Variants in MAN2B2 observed in about 807,000 individuals in gnomAD.
MAN2B2 encodes mannosidase alpha class 2B member 2.
A neutral mutation model predicts 117.1 loss-of-function variants in MAN2B2; 106 were observed. The ratio of observed to expected loss-of-function variants is 0.90; its 90% CI spans 0.77 to 1.06. The LOEUF (loss-of-function observed/expected upper bound fraction) is 1.06, where lower values mean the gene tolerates loss of function less well. MAN2B2 is among the 50% of genes least tolerant of loss of function. MAN2B2 has a pLI of 0.00. For synonymous variants in MAN2B2, 544 were observed against 595.1 expected (o/e 0.91, Z 1.25); for missense variants, 1,326 against 1,381.4 (o/e 0.96, Z 0.64).
intron 12 of MAN2B2, 89 bp from the exon 13 acceptor site, chr4:6,609,709 C>A: frequency 7.7e-7 from 1 of 1,305,616 alleles, no homozygotes; most frequent in Non-Finnish European, 1.1e-6. Context: ...CTGCCCTGCC[C>A]ACCCTGCCCA....
intron 9 of MAN2B2, among the ~76,000 whole-genome samples, chr4:6,599,916 T>A (rs906390118): frequency 6.6e-6 from 1 of 152,342 alleles, no homozygotes; most frequent in South Asian, 2.1e-4. Flanking sequence ...CTGGCTTCAC[T>A]GCCAGGTGGG....
chr4:6,587,988 T>TCAC (rs145739785), intron 4 of MAN2B2, among the ~76,000 whole-genome samples: 1,657 of 152,000 alleles, frequency 0.011, 33 homozygotes, highest in African/African-American at 0.037. Flanking sequence ...CGAACTCCTG[T>TCAC]CCTCAAGCGA....
At chr4:6,590,178 C>T (rs1037873622) in intron 5 of MAN2B2, among the ~76,000 whole-genome samples, 5 of 152,054 alleles carry the variant, frequency 3.3e-5, no homozygotes, top group Non-Finnish European at 7.4e-5. Flanking sequence ...TTGAGACCAG[C>T]CTGGCCAACA....
chr4:6,615,537 C>T (rs556461845), intron 16 of MAN2B2, among the ~76,000 whole-genome samples: 1 of 152,258 alleles, frequency 6.6e-6, no homozygotes. Flanking sequence ...TGGCTCACAT[C>T]TGTAATGCCA....
At position 6,609,822 on chromosome 4, in the gene MAN2B2, G is replaced by A. The variant is rs770149826; in HGVS notation, c.2031G>A (p.Thr677=). ...FYRNMTAQNY[T]YAIRSRLTHV... ...GGAACATGACAGCACAGAATTACACGTATGCAATCCGCTCCCGGCTCACCC... is the reference window on the plus strand; with the variant it reads ...GGAACATGACAGCACAGAATTACACATATGCAATCCGCTCCCGGCTCACCC... The change falls in exon 13 of 19, where the codon ACG becomes ACA. Residue 677 remains threonine, a synonymous_variant. Transcript: ENST00000285599. The A allele has an allele frequency of 6.3e-5, 102 of 1,613,696 alleles. No individual in the cohort carries two copies. The Admixed American group carries it at 1.3e-3, about 21-fold the overall frequency.
intron 1 of MAN2B2, 63 bp from the exon 2 acceptor site, chr4:6,576,515 A>AG: frequency 6.3e-7 from 1 of 1,581,536 alleles, no homozygotes; most frequent in Non-Finnish European, 8.6e-7. Context: ...GGCGAATGGC[A>AG]GGGGCCCCAG....
At position 6,579,651 on chromosome 4, in the gene MAN2B2, C is replaced by A. The variant is rs571328545; in HGVS notation, c.391+1153C>A. On this transcript the variant is annotated intron_variant, in intron 3 of 18. Transcript: ENST00000285599. ...TTACTACCACTACCATCACCACCAC[C>A]CCCTAAACACTATCACCATGATCAC... Among the ~76,000 whole-genome samples, 61 of 152,032 alleles carry A rather than the reference C, an allele frequency of 4.0e-4. No individual in the cohort carries two copies. In the East Asian group the frequency reaches 0.011, roughly 29 times the overall value.
chr4:6,593,111 G>A (rs1223674995), intron 5 of MAN2B2, 62 bp from the exon 6 acceptor site: 43 of 1,543,702 alleles, frequency 2.8e-5, no homozygotes, highest in Non-Finnish European at 3.7e-5. Context: ...TGGCACTTGG[G>A]TGTGAGCCCT....
intron 9 of MAN2B2, among the ~76,000 whole-genome samples, chr4:6,599,380 T>C (rs1440889245): frequency 2.6e-5 from 4 of 152,110 alleles, no homozygotes; most frequent in Non-Finnish European, 5.9e-5. Flanking sequence ...TGCTGCTATC[T>C]GGCCAGGCAT....
At chr4:6,587,263 A>T in intron 4 of MAN2B2, 95 bp downstream of exon 4, 1 of 1,448,704 alleles carries the variant, frequency 6.9e-7, no homozygotes, top group East Asian at 2.4e-5. Context: ...TCTATGCCGA[A>T]GTGTTCGGAA....
At chr4:6,611,663 G>A (rs1364263176) in intron 15 of MAN2B2, among the ~76,000 whole-genome samples, 1 of 152,208 alleles carries the variant, frequency 6.6e-6, no homozygotes, top group East Asian at 1.9e-4. Flanking sequence ...GCGCATGCCT[G>A]TAATCCTGTA....
At chr4:6,579,893 G>T (rs1325662033) in intron 3 of MAN2B2, among the ~76,000 whole-genome samples, 1 of 152,254 alleles carries the variant, frequency 6.6e-6, no homozygotes, top group Non-Finnish European at 1.5e-5. Flanking sequence ...GTGAGGCATG[G>T]TGATGCCCAG....
intron 6 of MAN2B2, 49 bp downstream of exon 6, chr4:6,593,399 C>G: frequency 6.4e-7 from 1 of 1,551,780 alleles, no homozygotes; most frequent in Admixed American, 1.9e-5. Flanking sequence ...CCAAGGAGCA[C>G]TATGCAAGCC....
chr4:6,620,097 C>A (rs1712097929), intron 18 of MAN2B2, 53 bp downstream of exon 18: 2 of 1,462,790 alleles, frequency 1.4e-6, no homozygotes, highest in Non-Finnish European at 1.9e-6. Flanking sequence ...CCAGGCTCAG[C>A]AGCTGGTCAG....
chr4:6,617,276 C>T lies in MAN2B2; in HGVS notation c.2702-104C>T, dbSNP rs1044365960. The T allele has an allele frequency of 3.3e-5, 27 of 816,074 alleles. No homozygotes were observed. The African/African-American group carries it at 3.4e-4, about 10-fold the overall frequency. 50.6% of individuals were successfully genotyped at this position (816,074 alleles called of 1,614,324 possible). Reference sequence around the variant, plus strand: ...CAGCCAAACCATATCGAGGAGGTTACAGATAGGAAATGGAGCTGAGTGTGT... The same window carrying T: ...CAGCCAAACCATATCGAGGAGGTTATAGATAGGAAATGGAGCTGAGTGTGT... On this transcript the variant is annotated intron_variant, in intron 16 of 18. Transcript: ENST00000285599.
Position 6,587,326 on chromosome 4 carries a change from C to T in MAN2B2, c.564+158C>T, listed in dbSNP as rs531182833. 5.3e-5 allele frequency among the ~76,000 whole-genome samples: 8 copies of T among 152,330 alleles called. No homozygotes were observed. In the East Asian group the frequency reaches 7.7e-4, roughly 15 times the overall value. On this transcript the variant is annotated intron_variant, in intron 4 of 18. Coordinates refer to ENST00000285599, the MANE Select transcript of MAN2B2 (RefSeq NM_015274.3). ...GCTGTCCCCTAACCTTTGCTCTTGT[C>T]GCCTCCTCCACCAGGAGGGCCCCCC...
At chr4:6,579,630 T>C (rs1726351153) in intron 3 of MAN2B2, among the ~76,000 whole-genome samples, 1 of 148,220 alleles carries the variant, frequency 6.7e-6, no homozygotes, top group East Asian at 2.0e-4. Flanking sequence ...TGACCATTAC[T>C]ACCACTACCA....
At chr4:6,602,225 C>T (rs1305343492) in intron 10 of MAN2B2, among the ~76,000 whole-genome samples, 1 of 152,244 alleles carries the variant, frequency 6.6e-6, no homozygotes, top group Non-Finnish European at 1.5e-5. Flanking sequence ...AGATAAGGGC[C>T]TCATCTGTCG....
At chr4:6,601,585 C>T (rs1314683565) in intron 10 of MAN2B2, among the ~76,000 whole-genome samples, 1 of 150,814 alleles carries the variant, frequency 6.6e-6, no homozygotes, top group East Asian at 2.0e-4. Context: ...GCCTAGCATC[C>T]CAGCCCTCTA....
Sources: allele counts gnomAD v4.1 joint callset (sites outside exome capture counted in the v4.1 genomes callset), GRCh38; gene constraint gnomAD v4.1.1; transcripts MANE v1.5; gene names NCBI Gene and HGNC (gene_info 2026-07-23, HGNC 2026-07-21).